The following ATF7IP variants were observed in gnomAD, a reference collection of about 807,000 sequenced individuals.
The protein encoded by ATF7IP is activating transcription factor 7-interacting protein 1.
Under a neutral mutation model 106.4 loss-of-function variants are expected in ATF7IP, and 23 were observed. The observed-to-expected ratio is 0.22, with a 90% CI of 0.16 to 0.31. The LOEUF is 0.31. Among genes scored for constraint, ATF7IP ranks in the 10% least tolerant of loss-of-function variants. The pLI is 1.00. For missense variants in ATF7IP, 1,334 were observed against 1,524.3 expected (o/e 0.88, Z 2.08); for synonymous variants, 542 against 539.0 (o/e 1.01, Z -0.08).
chr12:14,370,214 G>A (rs1196329176), intron 1 of ATF7IP, among the ~76,000 whole-genome samples: 1 of 152,166 alleles, frequency 6.6e-6, no homozygotes, highest in African/African-American at 2.4e-5. Flanking sequence ...GGGAGTACAA[G>A]TGTGAGCCAC....
Position 14,425,091 on chromosome 12 carries a change from T to A in ATF7IP, c.1176T>A (p.Ile392=). Residue 392 remains isoleucine (I), a synonymous_variant, in exon 2 of 15, where the codon ATT becomes ATA. Coordinates refer to ENST00000261168, the MANE Select transcript of ATF7IP (RefSeq NM_018179.5). The part of the protein sequence containing the change: ...GEDAISSSME[I]DQGEKNEDET... Reference sequence around the variant, plus strand: ...ATGCTATATCTAGCAGTATGGAAATTGACCAAGGTGAAAAGAATGAAGATG... The same window carrying A: ...ATGCTATATCTAGCAGTATGGAAATAGACCAAGGTGAAAAGAATGAAGATG... 1 of 1,589,702 alleles carries A rather than the reference T, an allele frequency of 6.3e-7. No individual in the cohort carries two copies.
At chr12:14,494,424 A>T (rs1183679505) in intron 13 of ATF7IP, among the ~76,000 whole-genome samples, 5 of 143,508 alleles carry the variant, frequency 3.5e-5, no homozygotes, top group Non-Finnish European at 7.6e-5. Context: ...GGATATATAT[A>T]TTTTATATAT....
chr12:14,414,285 G>A (rs962497302), intron 1 of ATF7IP, among the ~76,000 whole-genome samples: 15 of 152,170 alleles, frequency 9.9e-5, no homozygotes, highest in Admixed American at 1.3e-4. Context: ...TACTTCCCAT[G>A]CCCTTAGTGA....
At chr12:14,456,754 T>A (rs1943442149) in intron 7 of ATF7IP, 120 bp downstream of exon 7, 1 of 692,394 alleles carries the variant, frequency 1.4e-6, no homozygotes, top group Admixed American at 3.0e-5. Flanking sequence ...TTTGGTGTAC[T>A]TGGTTAGTAT....
intron 10 of ATF7IP, among the ~76,000 whole-genome samples, chr12:14,473,117 T>C (rs545407767): frequency 1.3e-5 from 2 of 152,292 alleles, no homozygotes; most frequent in East Asian, 3.9e-4. Flanking sequence ...TAAGTATTGA[T>C]AGGATTGTGT....
intron 13 of ATF7IP, 46 bp downstream of exon 13, chr12:14,481,231 C>G: frequency 6.3e-7 from 1 of 1,599,522 alleles, no homozygotes; most frequent in Non-Finnish European, 8.5e-7. Flanking sequence ...ATGTAGTTCT[C>G]TTCAGCATTT....
At chr12:14,383,659 C>T (rs1210785171) in intron 1 of ATF7IP, among the ~76,000 whole-genome samples, 1 of 152,154 alleles carries the variant, frequency 6.6e-6, no homozygotes, top group East Asian at 1.9e-4. Context: ...CTCAAGTGAT[C>T]TTCCTGCATC....
Position 14,424,392 on chromosome 12 carries a change from C to G in ATF7IP, c.477C>G (p.Pro159=). 6.2e-7 allele frequency: 1 copy of G among 1,613,536 alleles called. No homozygotes were observed. The highest frequency in any genetic ancestry group is 8.5e-7 in the Non-Finnish European group (1 of 1,179,750). ...LASGDSTSGD[P]TSSEPSSSDA... ...CTGGTGATTCCACCTCTGGTGATCC[C>G]ACCTCTAGCGAGCCCTCCTCTAGTG... The change falls in exon 2 of 15, where the codon CCC becomes CCG. Residue 159 remains proline, a synonymous_variant. Transcript: ENST00000261168.
At chr12:14,488,521 G>A (rs1478194692) in intron 13 of ATF7IP, among the ~76,000 whole-genome samples, 3 of 152,122 alleles carry the variant, frequency 2.0e-5, no homozygotes, top group Non-Finnish European at 4.4e-5. Flanking sequence ...CAGATGAAGG[G>A]TGGATCTGCC....
intron 5 of ATF7IP, 30 bp from the exon 6 acceptor site, chr12:14,446,957 CA>C: frequency 7.1e-7 from 1 of 1,408,228 alleles, no homozygotes; most frequent in South Asian, 1.5e-5. Context: ...ATTTGATTTC[CA>C]TTCATTTTTG....
chr12:14,402,717 T>TC (rs1385535175), intron 1 of ATF7IP, among the ~76,000 whole-genome samples: 1 of 151,722 alleles, frequency 6.6e-6, no homozygotes, highest in Non-Finnish European at 1.5e-5. Flanking sequence ...CAAGCGATTC[T>TC]CCTGCCTCGC....
Position 14,497,922 on chromosome 12 carries a change from C to T in ATF7IP, c.3662C>T (p.Ala1221Val). The T allele has an allele frequency of 6.2e-7, 1 of 1,614,196 alleles. No homozygotes were observed. Among genetic ancestry groups the T allele is most frequent in the Non-Finnish European group, 8.5e-7 (1 of 1,180,034 alleles). ...TGGAAAAAGATTGGGGAAGTCAAGG[C>T]ACTTCCCTTGCCCATGGCATGTACT... ...SQWKKIGEVK[A>V]LPLPMACTLT... is the part of the protein sequence containing the mutation. The change falls in exon 15 of 15, where the codon GCA becomes GTA. Residue 1221 changes from alanine to valine, a missense_variant. Transcript: ENST00000261168.
intron 1 of ATF7IP, among the ~76,000 whole-genome samples, chr12:14,405,403 C>CTTTTTTTTTTTTTT (rs145211652): frequency 1.1e-4 from 9 of 83,558 alleles, no homozygotes; most frequent in East Asian, 4.5e-4. Context: ...TTTCTTTCAT[C>CTTTTTTTTTTTTTT]TTTTTTTTTT....
chr12:14,481,969 T>C (rs115684317), intron 13 of ATF7IP: 19 of 153,132 alleles, frequency 1.2e-4, no homozygotes, highest in African/African-American at 3.6e-4. Context: ...TTTAAAATTA[T>C]ATATTAACCA....
intron 13 of ATF7IP, among the ~76,000 whole-genome samples, chr12:14,494,333 A>ATATGTG (rs1234871100): frequency 3.4e-4 from 29 of 85,992 alleles, no homozygotes; most frequent in South Asian, 1.1e-3. Context: ...ATATATATAT[A>ATATGTG]TGTGTGTGTG....
chr12:14,448,570 G>A (rs1565520948), intron 6 of ATF7IP, among the ~76,000 whole-genome samples: 1 of 152,056 alleles, frequency 6.6e-6, no homozygotes, highest in Non-Finnish European at 1.5e-5. Context: ...TGGACACTTG[G>A]TCCATTATTA....
chr12:14,480,374 G>A (rs1015237567), intron 12 of ATF7IP, among the ~76,000 whole-genome samples: 3 of 152,086 alleles, frequency 2.0e-5, no homozygotes, highest in Admixed American at 2.0e-4. Flanking sequence ...AAGTATTAAT[G>A]CTTTCTGGAA....
intron 1 of ATF7IP, among the ~76,000 whole-genome samples, chr12:14,396,016 A>C (rs572693936): frequency 7.9e-5 from 12 of 152,312 alleles, no homozygotes; most frequent in Admixed American, 2.0e-4. Context: ...ATTGCTGTAA[A>C]GATAGGAAGG....
At chr12:14,393,244 A>G (rs779319600) in intron 1 of ATF7IP, among the ~76,000 whole-genome samples, 1 of 152,178 alleles carries the variant, frequency 6.6e-6, no homozygotes. Context: ...AAGGTATATA[A>G]TAAGTGATTT....
Sources: allele counts gnomAD v4.1 joint callset (sites outside exome capture counted in the v4.1 genomes callset), GRCh38; gene constraint gnomAD v4.1.1; transcripts MANE v1.5; gene names NCBI Gene and HGNC (gene_info 2026-07-23, HGNC 2026-07-21).